CDC37L1: variants seen among roughly 807,000 people sequenced by gnomAD.
The protein encoded by CDC37L1 is hsp90 co-chaperone Cdc37-like 1.
Under a neutral mutation model 45.9 loss-of-function variants are expected in CDC37L1, and 32 were observed. That is an observed-to-expected ratio of 0.70 (90% CI 0.53 to 0.94). The LOEUF (loss-of-function observed/expected upper bound fraction) is 0.94, where lower values mean the gene tolerates loss of function less well. Ranked by LOEUF, CDC37L1 falls within the 40% of genes least tolerant of loss-of-function variation. CDC37L1 has a pLI of 0.00. For synonymous variants in CDC37L1, 150 were observed against 133.0 expected (o/e 1.13, Z -0.88); for missense variants, 434 against 405.7 (o/e 1.07, Z -0.60).
intron 3 of CDC37L1, among the ~76,000 whole-genome samples, chr9:4,690,427 T>G (rs1587618258): frequency 1.3e-5 from 2 of 152,078 alleles, no homozygotes; most frequent in Non-Finnish European, 2.9e-5. Context: ...GATTTTGGTG[T>G]TTTTCGCTAC....
chr9:4,700,089 C>A (rs1303976550), intron 5 of CDC37L1, among the ~76,000 whole-genome samples: 1 of 152,090 alleles, frequency 6.6e-6, no homozygotes, highest in Non-Finnish European at 1.5e-5. Context: ...TTTCCTGAAA[C>A]AGTTGAACTT....
intron 5 of CDC37L1, among the ~76,000 whole-genome samples, chr9:4,701,285 T>G (rs1841393630): frequency 6.6e-6 from 1 of 152,230 alleles, no homozygotes; most frequent in Non-Finnish European, 1.5e-5. Context: ...ATCATACTTT[T>G]TCTTTCCATA....
intron 6 of CDC37L1, chr9:4,703,188 A>C: frequency 7.2e-7 from 1 of 1,390,640 alleles, no homozygotes; most frequent in South Asian, 1.7e-5. Context: ...TCCTATATTT[A>C]GTTTTAAACC....
chr9:4,691,106 G>T (rs1179193096), intron 3 of CDC37L1, among the ~76,000 whole-genome samples: 1 of 152,228 alleles, frequency 6.6e-6, no homozygotes, highest in African/African-American at 2.4e-5. Context: ...TTATTGTGAT[G>T]AAAGAAGAAA....
chr9:4,685,026 C>T lies in CDC37L1; in HGVS notation c.282C>T (p.Ala94=), dbSNP rs1267060330. 2.5e-6 allele frequency: 4 copies of T among 1,613,892 alleles called. No homozygotes were observed. The highest frequency in any genetic ancestry group is 3.4e-6 in the Non-Finnish European group (4 of 1,179,966). ...CTGAGTCCTTGGATCAGGAGCATGC[C>T]AAAGCACAAACAGCAGTATCAGAAC... The part of the protein sequence containing the change: ...HNSESLDQEH[A]KAQTAVSELR... The change falls in exon 2 of 7, where the codon GCC becomes GCT. Residue 94 remains alanine, a synonymous_variant. Transcript: ENST00000381854.
At chr9:4,684,626 G>T (rs1193107484) in intron 1 of CDC37L1, among the ~76,000 whole-genome samples, 1 of 152,190 alleles carries the variant, frequency 6.6e-6, no homozygotes, top group Non-Finnish European at 1.5e-5. Flanking sequence ...CTTTATGCAA[G>T]ACACTGTGAT....
At chr9:4,692,461 G>A (rs1487352477) in intron 3 of CDC37L1, among the ~76,000 whole-genome samples, 1 of 151,900 alleles carries the variant, frequency 6.6e-6, no homozygotes, top group Non-Finnish European at 1.5e-5. Context: ...GTAGAGATGG[G>A]GTTTCACCAT....
At chr9:4,705,988 A>G (rs777620360) in intron 6 of CDC37L1, 23 bp from the exon 7 acceptor site, 18 of 1,191,686 alleles carry the variant, frequency 1.5e-5, no homozygotes, top group East Asian at 2.3e-5. Flanking sequence ...TCTCCCCCCA[A>G]TCTACCTTTT....
In CDC37L1 at chr9:4,679,855, C is replaced by G. The variant is rs1329990132; in HGVS notation, c.88C>G (p.Pro30Ala). 1 of 1,613,856 alleles carries G rather than the reference C, an allele frequency of 6.2e-7. No individual in the cohort carries two copies. The highest frequency in any genetic ancestry group is 8.5e-7 in the Non-Finnish European group (1 of 1,179,986). ...GGAAGAGAGTGACTTCGACGTGTTCCCCAGTTCTCCCCGCTGCCCGCAGCT... is the reference window on the plus strand; with the variant it reads ...GGAAGAGAGTGACTTCGACGTGTTCGCCAGTTCTCCCCGCTGCCCGCAGCT... Reference protein sequence around the residue: ...AEEESDFDVFPSSPRCPQLPG... With the variant: ...AEEESDFDVFASSPRCPQLPG... Residue 30 changes from proline to alanine, a missense_variant, in exon 1 of 7, where the codon CCC (proline) becomes GCC (alanine). Coordinates refer to ENST00000381854, the MANE Select transcript of CDC37L1 (RefSeq NM_017913.4).
Position 4,679,718 on chromosome 9 carries a change from AG to A in CDC37L1, c.-49del. 6.4e-7 allele frequency: 1 copy of A among 1,555,904 alleles called. No individual in the cohort carries two copies. The highest frequency in any genetic ancestry group is 8.7e-7 in the Non-Finnish European group (1 of 1,144,184). ...TTCCATTCACGCCAAGTCTGTTGGCAGTGGCAGTTGTAGGGCCAAGGGCGGT... is the reference window on the plus strand; with the variant it reads ...TTCCATTCACGCCAAGTCTGTTGGCATGGCAGTTGTAGGGCCAAGGGCGGT... On this transcript the variant is annotated 5_prime_UTR_variant, in exon 1 of 7. The change creates a new upstream start codon in the 5' untranslated region. Transcript: ENST00000381854.
chr9:4,690,589 T>G (rs1212053609), intron 3 of CDC37L1, among the ~76,000 whole-genome samples: 3 of 152,146 alleles, frequency 2.0e-5, no homozygotes, highest in Admixed American at 1.3e-4. Flanking sequence ...ATGAGATAGT[T>G]GAGGAAAAAA....
rs183014819 is a variant in CDC37L1 at position 4,682,720 on chromosome 9, G to T, written c.133-2157G>T. Among the ~76,000 whole-genome samples, 6 of 151,866 alleles carry T rather than the reference G, an allele frequency of 4.0e-5. 1 individual carries two copies. The highest frequency in any genetic ancestry group is 8.8e-5 in the Non-Finnish European group (6 of 67,966). ...ACTCCTGACCTCAGGTAATCCGCCC[G>T]CCTCAGCCTCCCAAAGTGCTGGGAT... is the stretch of plus-strand genomic sequence containing the variant. On this transcript the variant is annotated intron_variant, in intron 1 of 6. Coordinates refer to ENST00000381854, the MANE Select transcript of CDC37L1 (RefSeq NM_017913.4).
intron 3 of CDC37L1, among the ~76,000 whole-genome samples, chr9:4,695,464 T>C (rs1841338926): frequency 6.6e-6 from 1 of 152,192 alleles, no homozygotes; most frequent in Admixed American, 6.5e-5. Context: ...CTTAGAATAC[T>C]CTATGAGAAA....
At chr9:4,683,114 ATATTTTATATATATTT>A (rs1841214016) in intron 1 of CDC37L1, among the ~76,000 whole-genome samples, 1 of 143,656 alleles carries the variant, frequency 7.0e-6, no homozygotes, top group African/African-American at 2.5e-5. Context: ...TATATAAAAT[ATATTTTATATATATTT>A]TATAATATAT....
intron 5 of CDC37L1, among the ~76,000 whole-genome samples, chr9:4,700,648 C>G (rs1054722544): frequency 6.6e-6 from 1 of 152,008 alleles, no homozygotes; most frequent in African/African-American, 2.4e-5. Flanking sequence ...CTTAATAATA[C>G]TTTTTTTTAA....
At chr9:4,700,109 A>G (rs1421867746) in intron 5 of CDC37L1, among the ~76,000 whole-genome samples, 1 of 152,180 alleles carries the variant, frequency 6.6e-6, no homozygotes, top group East Asian at 1.9e-4. Flanking sequence ...TTAATAGCAA[A>G]TGCTTGACTT....
chr9:4,683,128 T>C (rs931932420), intron 1 of CDC37L1, among the ~76,000 whole-genome samples: 21 of 144,914 alleles, frequency 1.4e-4, no homozygotes, highest in African/African-American at 5.3e-4. Flanking sequence ...TTTATATATA[T>C]TTTATAATAT....
intron 6 of CDC37L1, 42 bp from the exon 7 acceptor site, chr9:4,705,969 C>G (rs374677912): frequency 3.3e-6 from 3 of 920,348 alleles, no homozygotes; most frequent in Middle Eastern, 4.3e-4. Context: ...GGTTATAATG[C>G]GTTCTTTTTC....
At chr9:4,699,516 CTG>C (rs1587622775) in intron 5 of CDC37L1, among the ~76,000 whole-genome samples, 2 of 151,936 alleles carry the variant, frequency 1.3e-5, no homozygotes, top group East Asian at 3.9e-4. Flanking sequence ...AGTGATGTAT[CTG>C]TTTAGATAGA....
Sources: gnomAD v4.1 joint callset for allele counts (sites outside exome capture counted in the v4.1 genomes callset) on GRCh38, gnomAD v4.1.1 for gene constraint, MANE v1.5 for transcripts, NCBI Gene and HGNC (gene_info 2026-07-23, HGNC 2026-07-21) for gene names.